LDLRAD4: variants seen among roughly 807,000 people sequenced by gnomAD.
The protein encoded by LDLRAD4 is low density lipoprotein receptor class A domain containing 4, also known as low-density lipoprotein receptor class A domain-containing protein 4.
In LDLRAD4, 5 loss-of-function variants were observed where a neutral mutation model predicts 17.0. The observed-to-expected ratio is 0.29, with a 90% CI of 0.15 to 0.62. LDLRAD4 has a LOEUF of 0.62. Ranked by LOEUF, LDLRAD4 falls within the 20% of genes least tolerant of loss-of-function variation. The probability of loss-of-function intolerance (pLI) is 0.84; values close to 1 mark genes in which losing one functional copy is unlikely to be tolerated. For synonymous variants in LDLRAD4, 168 were observed against 171.8 expected, an observed-to-expected ratio of 0.98 and a Z score of 0.17; for missense variants, 340 against 424.7, an observed-to-expected ratio of 0.80 and a Z score of 1.75.
chr18:13,266,763 C>T (rs933653204), intron 1 of LDLRAD4, among the ~76,000 whole-genome samples: 1 of 152,250 alleles, frequency 6.6e-6, no homozygotes, highest in Non-Finnish European at 1.5e-5. Flanking sequence ...GGAGTCCTGT[C>T]CCCACACTAC....
chr18:13,556,421 TTTAA>T (rs1205064386), intron 3 of LDLRAD4, among the ~76,000 whole-genome samples: 15 of 152,246 alleles, frequency 9.9e-5, no homozygotes, highest in African/African-American at 3.6e-4. Context: ...TCTAAGTCTC[TTTAA>T]TTGTGTGAAA....
At chr18:13,637,142 C>T (rs763019624) in intron 4 of LDLRAD4, among the ~76,000 whole-genome samples, 1 of 151,884 alleles carries the variant, frequency 6.6e-6, no homozygotes, top group Non-Finnish European at 1.5e-5. Context: ...TTGTTTTTTA[C>T]CCCATCCACT....
chr18:13,605,973 A>T (rs905090540), intron 3 of LDLRAD4, among the ~76,000 whole-genome samples: 1 of 152,122 alleles, frequency 6.6e-6, no homozygotes, highest in African/African-American at 2.4e-5. Context: ...TCAAGATCGC[A>T]TTTCTCATAA....
At chr18:13,237,939 T>C (rs1040205724) in intron 1 of LDLRAD4, among the ~76,000 whole-genome samples, 6 of 152,038 alleles carry the variant, frequency 3.9e-5, no homozygotes, top group African/African-American at 1.4e-4. Context: ...TGGGGTAGAG[T>C]CTGGTGGCCT....
intron 2 of LDLRAD4, among the ~76,000 whole-genome samples, chr18:13,388,142 T>C (rs769805150): frequency 1.3e-5 from 2 of 152,206 alleles, no homozygotes; most frequent in Non-Finnish European, 2.9e-5. Context: ...AAAAGATTAA[T>C]TGCCGATGTG....
At chr18:13,329,820 A>G (rs2081747770) in intron 1 of LDLRAD4, among the ~76,000 whole-genome samples, 1 of 152,028 alleles carries the variant, frequency 6.6e-6, no homozygotes, top group Non-Finnish European at 1.5e-5. Flanking sequence ...TTCTGTTTGC[A>G]TTTGGGTCTA....
At chr18:13,359,633 C>A (rs1270167401) in intron 1 of LDLRAD4, among the ~76,000 whole-genome samples, 3 of 152,126 alleles carry the variant, frequency 2.0e-5, no homozygotes, top group African/African-American at 7.2e-5. Context: ...TGATTGTGAG[C>A]TCATTTTAGG....
chr18:13,293,684 CTAAG>C (rs1258149228), intron 1 of LDLRAD4, among the ~76,000 whole-genome samples: 1 of 152,230 alleles, frequency 6.6e-6, no homozygotes, highest in Non-Finnish European at 1.5e-5. Context: ...GACTGTCTCT[CTAAG>C]TAAGACATCT....
intron 3 of LDLRAD4, chr18:13,611,702 G>C: frequency 1.0e-6 from 1 of 985,428 alleles, no homozygotes; most frequent in Non-Finnish European, 1.2e-6. Context: ...AGGAGTCTCT[G>C]TGGTGTTTTT....
At chr18:13,494,995 C>G (rs1173591931) in intron 3 of LDLRAD4, among the ~76,000 whole-genome samples, 1 of 151,970 alleles carries the variant, frequency 6.6e-6, no homozygotes, top group Non-Finnish European at 1.5e-5. Flanking sequence ...CGCCTCCCAG[C>G]TTGGCAGTTA....
chr18:13,221,965 A>G (rs958758223), intron 1 of LDLRAD4, among the ~76,000 whole-genome samples: 2 of 152,244 alleles, frequency 1.3e-5, no homozygotes, highest in Non-Finnish European at 2.9e-5. Context: ...AGGGTATGCA[A>G]AAAGTCCTCT....
At chr18:13,382,391 A>G (rs909995585) in intron 1 of LDLRAD4, among the ~76,000 whole-genome samples, 1 of 152,228 alleles carries the variant, frequency 6.6e-6, no homozygotes, top group African/African-American at 2.4e-5. Context: ...GGTAAGGCAG[A>G]CATACCCTGT....
chr18:13,413,912 AAT>A (rs869261728), intron 2 of LDLRAD4, among the ~76,000 whole-genome samples: 4 of 152,050 alleles, frequency 2.6e-5, no homozygotes, highest in Admixed American at 2.6e-4. Context: ...AAAAAAAAAA[AAT>A]TTTTTTTTAA....
chr18:13,353,779 A>G (rs1355833982), intron 1 of LDLRAD4, among the ~76,000 whole-genome samples: 1 of 152,226 alleles, frequency 6.6e-6, no homozygotes, highest in Non-Finnish European at 1.5e-5. Flanking sequence ...AAGTAGGGGA[A>G]AAAAGAGTGA....
At chr18:13,358,083 C>T (rs2083449722) in intron 1 of LDLRAD4, among the ~76,000 whole-genome samples, 1 of 152,108 alleles carries the variant, frequency 6.6e-6, no homozygotes, top group Non-Finnish European at 1.5e-5. Flanking sequence ...CCAATCCACA[C>T]TCATCTTGTA....
exon 6 of LDLRAD4, chr18:13,649,968 G>T: frequency 2.5e-6 from 1 of 397,874 alleles, no homozygotes; most frequent in South Asian, 1.4e-4. Flanking sequence ...TCCCCTTCTT[G>T]GTGCGAGGAA....
intron 3 of LDLRAD4, among the ~76,000 whole-genome samples, chr18:13,509,998 A>T (rs1313688825): frequency 6.6e-6 from 1 of 152,258 alleles, no homozygotes; most frequent in Non-Finnish European, 1.5e-5. Flanking sequence ...GAGAGACTAC[A>T]GTATGGTGGA....
chr18:13,520,036 G>A (rs905904836), intron 3 of LDLRAD4: 1 of 152,266 alleles, frequency 6.6e-6, no homozygotes, highest in African/African-American at 2.4e-5. Flanking sequence ...TGAAAAAGAG[G>A]GTAGACCTGT....
rs180758989 is a variant in LDLRAD4 at position 13,346,595 on chromosome 18, G to A, written c.-382-40746G>A. Among the ~76,000 whole-genome samples, 119 of 152,252 alleles carry A rather than the reference G, an allele frequency of 7.8e-4. 3 individuals are homozygous for A. The East Asian group carries it at 0.013, about 17-fold the overall frequency. On this transcript the variant is annotated intron_variant, in intron 1 of 5. Coordinates refer to ENST00000359446, the Ensembl canonical transcript of LDLRAD4. ...AGTTCTGTAGATGTCTATTAGGTCT[G>A]CTTGGTACAGAGCTGAGTTCAATTC...
Sources: allele counts gnomAD v4.1 joint callset (sites outside exome capture counted in the v4.1 genomes callset), GRCh38; gene constraint gnomAD v4.1.1; transcripts MANE v1.5; gene names NCBI Gene and HGNC (gene_info 2026-07-23, HGNC 2026-07-21).